The following TMPRSS15 variants were observed in gnomAD, a reference collection of about 807,000 sequenced individuals.
TMPRSS15 encodes enteropeptidase.
Under a neutral mutation model 125.3 loss-of-function variants are expected in TMPRSS15, and 128 were observed. That is an observed-to-expected ratio of 1.02 (90% CI 0.89 to 1.18). TMPRSS15 has a LOEUF of 1.18. Among genes scored for constraint, TMPRSS15 ranks in the 50% most tolerant of loss-of-function variants. The probability of loss-of-function intolerance (pLI) is 0.00; values close to 1 mark genes in which losing one functional copy is unlikely to be tolerated. For synonymous variants in TMPRSS15, 446 were observed against 423.2 expected, an observed-to-expected ratio of 1.05 and a Z score of -0.66; for missense variants, 1,283 against 1,212.7, an observed-to-expected ratio of 1.06 and a Z score of -0.86.
At chr21:18,387,599 A>G (rs1485802274) in intron 3 of TMPRSS15, among the ~76,000 whole-genome samples, 2 of 116,850 alleles carry the variant, frequency 1.7e-5, no homozygotes, top group African/African-American at 7.2e-5. Context: ...GAGTAGCTAC[A>G]CACACACACA....
chr21:18,284,608 T>C, intron 21 of TMPRSS15, among the ~76,000 whole-genome samples: 1 of 152,142 alleles, frequency 6.6e-6, no homozygotes, highest in Non-Finnish European at 1.5e-5. Flanking sequence ...AGCATCTCTT[T>C]TCTAGTAAAG....
Position 18,379,456 on chromosome 21 carries a change from T to C in TMPRSS15, c.497-138A>G, listed in dbSNP as rs181767290. The stretch of plus-strand genomic sequence containing the variant: ...CGCATTATTAGTGTCCATTTAGAAG[T>C]ATGTCATTTGTATTTGGATTTAAAA... On this transcript the variant is annotated intron_variant, in intron 4 of 24. Transcript: ENST00000284885. 3.0e-3 allele frequency: 1,103 copies of C among 372,314 alleles called. 16 individuals carry two copies. The highest frequency in any genetic ancestry group is 0.019 in the African/African-American group (883 of 47,438). The allele number at this position is 372,314 out of a possible 1,614,324, so 23.1% of individuals were successfully genotyped here.
chr21:18,309,814 CT>C (rs2075078876), intron 18 of TMPRSS15, among the ~76,000 whole-genome samples: 1 of 152,120 alleles, frequency 6.6e-6, no homozygotes, highest in Non-Finnish European at 1.5e-5. Context: ...AATAGGAACG[CT>C]TTTACACTGT....
chr21:18,362,610 C>T (rs2147027228), intron 7 of TMPRSS15, among the ~76,000 whole-genome samples: 1 of 152,160 alleles, frequency 6.6e-6, no homozygotes, highest in East Asian at 1.9e-4. Flanking sequence ...TTAGATATTT[C>T]AGTTACCTTC....
rs192244597 is a variant in TMPRSS15, at chr21:18,351,570, C to G, written c.1171+1333G>C. On this transcript the variant is annotated intron_variant, in intron 10 of 24. Transcript: ENST00000284885. ...TTCTTCCTAAACACACTCACTGTCT[C>G]TTGCCTGCAGCCACGTAAGACGTGT... Among the ~76,000 whole-genome samples the G allele has an allele frequency of 1.9e-3, 286 of 152,296 alleles. 2 individuals are homozygous for G. Among genetic ancestry groups the G allele is most frequent in the African/African-American group, 6.4e-3 (266 of 41,578 alleles).
chr21:18,321,428 C>G (rs1476452063), intron 16 of TMPRSS15, among the ~76,000 whole-genome samples: 1 of 144,336 alleles, frequency 6.9e-6, no homozygotes, highest in Non-Finnish European at 1.5e-5. Flanking sequence ...TCTCGGCTCA[C>G]CGCAAGCTCC....
chr21:18,480,446 G>A (rs1225387084), intron 1 of TMPRSS15, among the ~76,000 whole-genome samples: 1 of 151,842 alleles, frequency 6.6e-6, no homozygotes, highest in Non-Finnish European at 1.5e-5. Flanking sequence ...ATTATGTCAT[G>A]TTAACTGTAT....
chr21:18,271,681 T>C (rs1238948485), intron 24 of TMPRSS15, among the ~76,000 whole-genome samples: 1 of 152,130 alleles, frequency 6.6e-6, no homozygotes, highest in Non-Finnish European at 1.5e-5. Flanking sequence ...ACGTGTGCCA[T>C]GGTGCTTTGC....
chr21:18,462,124 A>T (rs1429359595), intron 1 of TMPRSS15, among the ~76,000 whole-genome samples: 1 of 152,168 alleles, frequency 6.6e-6, no homozygotes, highest in African/African-American at 2.4e-5. Flanking sequence ...ACATGTAGAA[A>T]ATATATTTCA....
rs2076166637 is a variant in TMPRSS15 at position 18,411,839 on chromosome 21, T to C, written c.11-13510A>G. ...GAATGAAAGGCATTATACCAGAACA[T>C]GCTGAACCGCATAGCACTTAACTCT... is the stretch of plus-strand genomic sequence containing the variant. On this transcript the variant is annotated intron_variant, in intron 1 of 7. Coordinates refer to the TMPRSS15 transcript ENST00000422787. Among the ~76,000 whole-genome samples, 4 of 152,300 alleles carry C rather than the reference T, an allele frequency of 2.6e-5. No individual in the cohort carries two copies. The South Asian group carries it at 6.2e-4, about 24-fold the overall frequency.
chr21:18,314,114 A>T lies in TMPRSS15; in HGVS notation c.2032+1032T>A, dbSNP rs1452559653. On this transcript the variant is annotated intron_variant, in intron 17 of 24. Coordinates refer to ENST00000284885, the MANE Select transcript of TMPRSS15 (RefSeq NM_002772.3). ...TTGTAATTCTATAAAATAATGCTAC[A>T]TTGTTTACCTTTTTTTTCCTATTAT... 3.6e-5 allele frequency among the ~76,000 whole-genome samples: 4 copies of T among 110,186 alleles called. 1 individual carries two copies. The highest frequency in any genetic ancestry group is 1.4e-4 in the African/African-American group (4 of 28,132). The allele number at this position is 110,186 out of a possible 152,430, so 72.3% of individuals were successfully genotyped here.
At chr21:18,410,196 C>A (rs1159155205) in intron 1 of TMPRSS15, among the ~76,000 whole-genome samples, 4 of 150,354 alleles carry the variant, frequency 2.7e-5, no homozygotes, top group African/African-American at 4.9e-5. Flanking sequence ...CTGTATACAG[C>A]CTTCTTTTGA....
At chr21:18,402,574 A>G (rs1209871518) in intron 1 of TMPRSS15, among the ~76,000 whole-genome samples, 1 of 151,784 alleles carries the variant, frequency 6.6e-6, no homozygotes, top group Non-Finnish European at 1.5e-5. Flanking sequence ...ATATATATAT[A>G]TAAAGTTCAT....
intron 18 of TMPRSS15, among the ~76,000 whole-genome samples, chr21:18,308,570 C>G (rs535095001): frequency 3.3e-4 from 48 of 146,754 alleles, no homozygotes; most frequent in African/African-American, 1.1e-3. Flanking sequence ...CATATATGAA[C>G]AAAGATCTAG....
At chr21:18,315,303 G>A (rs2075151388) in intron 16 of TMPRSS15, 47 bp from the exon 17 acceptor site, 3 of 1,477,178 alleles carry the variant, frequency 2.0e-6, no homozygotes, top group Admixed American at 3.4e-5. Flanking sequence ...AAACACAAAT[G>A]GATGATTCTG....
At chr21:18,345,697 T>C (rs573128530) in intron 10 of TMPRSS15, among the ~76,000 whole-genome samples, 29 of 105,104 alleles carry the variant, frequency 2.8e-4, no homozygotes, top group Non-Finnish European at 3.3e-4. Context: ...GCCGAGGTCG[T>C]GCCACTGCAC....
At chr21:18,451,385 T>C (rs1978337374) in intron 1 of TMPRSS15, among the ~76,000 whole-genome samples, 1 of 148,762 alleles carries the variant, frequency 6.7e-6, no homozygotes, top group Non-Finnish European at 1.5e-5. Context: ...TTGTCTGCCC[T>C]TTTTTTTTTG....
rs957161130 is a variant in TMPRSS15, at chr21:18,435,543, T to C, written c.11-37214A>G. ...CTAGATTCGGTTTTCCAGTATTTTA[T>C]TGAGGATTTTTGCATCAATGTTCAT... is the stretch of plus-strand genomic sequence containing the variant. On this transcript the variant is annotated intron_variant, in intron 1 of 7. Coordinates refer to the TMPRSS15 transcript ENST00000422787. 7.2e-5 allele frequency among the ~76,000 whole-genome samples: 11 copies of C among 152,336 alleles called. No homozygotes were observed. The East Asian group carries it at 9.6e-4, about 13-fold the overall frequency.
At chr21:18,380,223 T>G (rs1017180800) in intron 4 of TMPRSS15, among the ~76,000 whole-genome samples, 2 of 150,158 alleles carry the variant, frequency 1.3e-5, no homozygotes, top group African/African-American at 4.9e-5. Flanking sequence ...ATCTCTCATA[T>G]GTAACACACA....
Sources: allele counts gnomAD v4.1 joint callset (sites outside exome capture counted in the v4.1 genomes callset), GRCh38; gene constraint gnomAD v4.1.1; transcripts MANE v1.5; gene names NCBI Gene and HGNC (gene_info 2026-07-23, HGNC 2026-07-21).